Variants in MYO1D observed in about 807,000 individuals in gnomAD.
MYO1D encodes unconventional myosin-Id.
Under a neutral mutation model 122.0 loss-of-function variants are expected in MYO1D, and 83 were observed. The observed-to-expected ratio is 0.68, with a 90% CI of 0.57 to 0.82. The LOEUF is 0.82. Among genes scored for constraint, MYO1D ranks in the 40% least tolerant of loss-of-function variants. The probability of loss-of-function intolerance (pLI) is 0.00; values close to 1 mark genes in which losing one functional copy is unlikely to be tolerated. For synonymous variants in MYO1D, 464 were observed against 446.9 expected, an observed-to-expected ratio of 1.04 and a Z score of -0.48; for missense variants, 1,157 against 1,269.5, an observed-to-expected ratio of 0.91 and a Z score of 1.35.
chr17:32,512,065 C>T (rs1247475114), intron 21 of MYO1D, among the ~76,000 whole-genome samples: 1 of 152,128 alleles, frequency 6.6e-6, no homozygotes, highest in Non-Finnish European at 1.5e-5. Flanking sequence ...CTTTGGGAGG[C>T]CGAGGTGGGC....
intron 1 of MYO1D, among the ~76,000 whole-genome samples, chr17:32,827,159 C>T (rs182239184): frequency 3.3e-5 from 5 of 152,122 alleles, no homozygotes; most frequent in Admixed American, 6.5e-5. Flanking sequence ...GATGGATGAA[C>T]GGAGAAACAA....
At chr17:32,679,885 C>T (rs2088883140) in intron 16 of MYO1D, among the ~76,000 whole-genome samples, 1 of 150,722 alleles carries the variant, frequency 6.6e-6, no homozygotes, top group Admixed American at 6.6e-5. Context: ...ATTCTTCCTA[C>T]CCATGAACAT....
At chr17:32,687,569 C>T (rs1038890089) in intron 16 of MYO1D, among the ~76,000 whole-genome samples, 8 of 151,976 alleles carry the variant, frequency 5.3e-5, no homozygotes, top group African/African-American at 1.7e-4. Flanking sequence ...TCTTGAATTC[C>T]TGGGCTCAAG....
intron 1 of MYO1D, among the ~76,000 whole-genome samples, chr17:32,844,916 T>C (rs1416579377): frequency 1.3e-5 from 2 of 152,026 alleles, no homozygotes; most frequent in Admixed American, 6.6e-5. Flanking sequence ...TAATTAGAAA[T>C]GTATAGATAT....
At chr17:32,639,577 C>T (rs1252947279) in intron 19 of MYO1D, among the ~76,000 whole-genome samples, 2 of 151,774 alleles carry the variant, frequency 1.3e-5, no homozygotes, top group Non-Finnish European at 2.9e-5. Flanking sequence ...ACTCTGTCAC[C>T]CAAGATAGTG....
At chr17:32,705,125 G>A (rs1466882412) in intron 16 of MYO1D, among the ~76,000 whole-genome samples, 5 of 144,306 alleles carry the variant, frequency 3.5e-5, no homozygotes, top group Non-Finnish European at 6.0e-5. Flanking sequence ...TTTGAACTAC[G>A]TGGGTCCACT....
intron 1 of MYO1D, among the ~76,000 whole-genome samples, chr17:32,811,040 A>G (rs1316920759): frequency 1.3e-5 from 2 of 152,244 alleles, no homozygotes; most frequent in African/African-American, 4.8e-5. Context: ...CCTTAAGAAG[A>G]GAGGGAGAAG....
intron 21 of MYO1D, 25 bp downstream of exon 21, chr17:32,605,062 C>G (rs569100077): frequency 6.4e-7 from 1 of 1,555,324 alleles, no homozygotes; most frequent in South Asian, 1.2e-5. Context: ...TAAAACGTGT[C>G]TTAGTTACAA....
chr17:32,510,693 G>C (rs1909663570), intron 21 of MYO1D: 1 of 152,222 alleles, frequency 6.6e-6, no homozygotes, highest in African/African-American at 2.4e-5. Context: ...CGGTGCACTG[G>C]AGGTGGCCTG....
At chr17:32,806,451 C>T (rs1289153998) in intron 1 of MYO1D, among the ~76,000 whole-genome samples, 1 of 152,166 alleles carries the variant, frequency 6.6e-6, no homozygotes, top group Admixed American at 6.5e-5. Flanking sequence ...TCAGCCTTAA[C>T]TTCCCGGGCT....
intron 12 of MYO1D, among the ~76,000 whole-genome samples, chr17:32,746,677 C>T (rs1053723693): frequency 3.3e-5 from 5 of 151,988 alleles, no homozygotes; most frequent in African/African-American, 1.2e-4. Context: ...GAGACCATAC[C>T]TTATGAAGTA....
chr17:32,803,534 C>T (rs974266325), intron 1 of MYO1D, among the ~76,000 whole-genome samples: 3 of 152,118 alleles, frequency 2.0e-5, no homozygotes, highest in Non-Finnish European at 4.4e-5. Context: ...GTTTACAAAT[C>T]ATGAAATTGG....
intron 21 of MYO1D, among the ~76,000 whole-genome samples, chr17:32,569,592 G>A (rs1567893343): frequency 6.6e-6 from 1 of 152,172 alleles, no homozygotes; most frequent in Non-Finnish European, 1.5e-5. Flanking sequence ...ATGAGCAATG[G>A]GAGACGCCCA....
intron 21 of MYO1D, among the ~76,000 whole-genome samples, chr17:32,521,669 G>A (rs950493195): frequency 1.3e-5 from 2 of 152,198 alleles, no homozygotes; most frequent in Non-Finnish European, 2.9e-5. Flanking sequence ...AAATCTCAGG[G>A]CCAGGTGCGG....
chr17:32,620,553 C>A (rs148684548), intron 20 of MYO1D, among the ~76,000 whole-genome samples: 14 of 152,146 alleles, frequency 9.2e-5, no homozygotes, highest in Admixed American at 1.3e-4. Context: ...GGAACCCCCC[C>A]CTGCCAAGTT....
intron 21 of MYO1D, among the ~76,000 whole-genome samples, chr17:32,496,464 C>A (rs1281025267): frequency 6.6e-6 from 1 of 152,212 alleles, no homozygotes; most frequent in African/African-American, 2.4e-5. Context: ...CAGACTTGGA[C>A]ATAAAAATAG....
chr17:32,683,321 C>T (rs1207848267), intron 16 of MYO1D, among the ~76,000 whole-genome samples: 2 of 152,330 alleles, frequency 1.3e-5, no homozygotes, highest in African/African-American at 4.8e-5. Context: ...GGAGGAGAGA[C>T]GCTCTGTGTT....
intron 21 of MYO1D, among the ~76,000 whole-genome samples, chr17:32,540,620 A>T (rs1910809576): frequency 6.6e-6 from 1 of 152,114 alleles, no homozygotes; most frequent in Non-Finnish European, 1.5e-5. Context: ...GATTAGGATG[A>T]CTATAATCAA....
chr17:32,775,800 A>G, intron 4 of MYO1D, 64 bp downstream of exon 4: 1 of 1,307,038 alleles, frequency 7.7e-7, no homozygotes, highest in Non-Finnish European at 1.1e-6. Context: ...TAAATTCTAT[A>G]AATATAATTT....
Sources: allele counts gnomAD v4.1 joint callset (sites outside exome capture counted in the v4.1 genomes callset), GRCh38; gene constraint gnomAD v4.1.1; transcripts MANE v1.5; gene names NCBI Gene and HGNC (gene_info 2026-07-23, HGNC 2026-07-21).